Variants in COLEC12 observed in about 807,000 individuals in gnomAD.
COLEC12 encodes the protein collectin-12.
In COLEC12, 33 loss-of-function variants were observed where a neutral mutation model predicts 71.1. That is an observed-to-expected ratio of 0.46 (90% CI 0.35 to 0.62). The LOEUF (loss-of-function observed/expected upper bound fraction) is 0.62. Ranked by LOEUF, COLEC12 falls within the 20% of genes least tolerant of loss-of-function variation. The pLI is 0.00. For synonymous variants in COLEC12, 350 were observed against 353.0 expected (o/e 0.99, Z 0.10); for missense variants, 765 against 916.1 (o/e 0.84, Z 2.13).
chr18:455,567 T>C (rs573510177), intron 2 of COLEC12, among the ~76,000 whole-genome samples: 1 of 152,240 alleles, frequency 6.6e-6, no homozygotes, highest in Admixed American at 6.5e-5. Flanking sequence ...CCATGGTGGT[T>C]TGCTGCACCC....
At chr18:435,598 ATCTC>A (rs5822567) in intron 2 of COLEC12, among the ~76,000 whole-genome samples, 2 of 151,210 alleles carry the variant, frequency 1.3e-5, no homozygotes, top group Admixed American at 6.6e-5. Flanking sequence ...TTAAATCCAA[ATCTC>A]TCTCTCTCTC....
intron 2 of COLEC12, among the ~76,000 whole-genome samples, chr18:431,606 C>A (rs1916305597): frequency 1.3e-5 from 2 of 152,136 alleles, no homozygotes; most frequent in Admixed American, 1.3e-4. Context: ...AGGAGGAGCA[C>A]ACTGGAAGCA....
chr18:383,997 C>G (rs1312997798), intron 2 of COLEC12, among the ~76,000 whole-genome samples: 1 of 152,142 alleles, frequency 6.6e-6, no homozygotes, highest in East Asian at 1.9e-4. Flanking sequence ...TCCATGAGAA[C>G]AGTATCGGGG....
At chr18:391,595 T>C (rs1226958387) in intron 2 of COLEC12, among the ~76,000 whole-genome samples, 3 of 152,192 alleles carry the variant, frequency 2.0e-5, no homozygotes, top group Admixed American at 2.0e-4. Flanking sequence ...TCCTGTCTTT[T>C]GGGACACTAG....
Position 408,615 on chromosome 18 carries a change from A to T in COLEC12, c.59-51093T>A, listed in dbSNP as rs1480867292. On this transcript the variant is annotated intron_variant, in intron 2 of 9. Transcript: ENST00000400256. This position sits in a 1 kb window ranked among gnomAD's most constrained non-coding sequence, Gnocchi z 4.3. ...TTACCAAATATTGAGAAAAAGGAAA[A>T]AAAAAAAAGACAGGAAAATAAAAGC... is the stretch of plus-strand genomic sequence containing the variant. Among the ~76,000 whole-genome samples the T allele has an allele frequency of 1.3e-5, 2 of 151,928 alleles. No individual in the cohort carries two copies. The highest frequency in any genetic ancestry group is 4.8e-5 in the African/African-American group (2 of 41,384).
intron 2 of COLEC12, among the ~76,000 whole-genome samples, chr18:369,583 A>G (rs867030042): frequency 6.6e-6 from 1 of 151,980 alleles, no homozygotes; most frequent in South Asian, 2.1e-4. Flanking sequence ...ATATCTCCCA[A>G]TGCTATGTGC....
intron 2 of COLEC12, among the ~76,000 whole-genome samples, chr18:469,241 C>G (rs930644951): frequency 3.9e-5 from 6 of 152,244 alleles, no homozygotes; most frequent in African/African-American, 1.4e-4. Flanking sequence ...AGAACACCAC[C>G]AGACAGAAGG....
chr18:456,925 C>G (rs920621687), intron 2 of COLEC12, among the ~76,000 whole-genome samples: 3 of 152,296 alleles, frequency 2.0e-5, no homozygotes, highest in South Asian at 2.1e-4. Flanking sequence ...GAGCCCCGTA[C>G]TCTGTCTCCT....
At chr18:430,195 G>A (rs1916275673) in intron 2 of COLEC12, among the ~76,000 whole-genome samples, 1 of 152,048 alleles carries the variant, frequency 6.6e-6, no homozygotes, top group African/African-American at 2.4e-5. Flanking sequence ...AATTAGCCAG[G>A]CGTGGTGGCG....
intron 3 of COLEC12, among the ~76,000 whole-genome samples, chr18:355,555 T>G (rs1444587416): frequency 6.6e-6 from 1 of 152,212 alleles, no homozygotes; most frequent in East Asian, 1.9e-4. Flanking sequence ...TAATTCTGAA[T>G]GCATAAATGT....
chr18:343,738 G>A (rs1300091333), intron 5 of COLEC12, among the ~76,000 whole-genome samples: 3 of 152,054 alleles, frequency 2.0e-5, no homozygotes, highest in African/African-American at 7.3e-5. Context: ...GGATTCCACT[G>A]AGCTACTTTT....
At chr18:433,156 A>T (rs1916338229) in intron 2 of COLEC12, among the ~76,000 whole-genome samples, 1 of 152,228 alleles carries the variant, frequency 6.6e-6, no homozygotes, top group Non-Finnish European at 1.5e-5. Context: ...TCCTTCAAAC[A>T]AGTTAACATG....
chr18:430,006 G>C (rs1224506703), intron 2 of COLEC12, among the ~76,000 whole-genome samples: 1 of 152,144 alleles, frequency 6.6e-6, no homozygotes, highest in African/African-American at 2.4e-5. Flanking sequence ...CAGCTCCCAG[G>C]ACAGGGCCTG....
intron 2 of COLEC12, among the ~76,000 whole-genome samples, chr18:385,868 G>A (rs758896011): frequency 6.8e-6 from 1 of 146,544 alleles, no homozygotes; most frequent in Non-Finnish European, 1.5e-5. Flanking sequence ...AACAAAGAGG[G>A]GTGTCAGAAT....
chr18:421,113 T>G (rs1280082704), intron 2 of COLEC12, among the ~76,000 whole-genome samples: 4 of 152,212 alleles, frequency 2.6e-5, no homozygotes, highest in African/African-American at 9.6e-5. Flanking sequence ...GCTACACATC[T>G]GAAAACAAAA....
intron 1 of COLEC12, among the ~76,000 whole-genome samples, chr18:492,549 C>T (rs969850415): frequency 8.6e-5 from 13 of 152,044 alleles, no homozygotes; most frequent in Non-Finnish European, 1.3e-4. Context: ...GAGGAAAATT[C>T]TCATCCAGTC....
At chr18:438,802 C>CAA (rs55912485) in intron 2 of COLEC12, among the ~76,000 whole-genome samples, 17,081 of 132,528 alleles carry the variant, frequency 0.13, 1,397 homozygotes, top group East Asian at 0.37. Flanking sequence ...GACCTTGTCT[C>CAA]AAAAAAAAAA....
At chr18:498,354 AT>A (rs371981125) in intron 1 of COLEC12, among the ~76,000 whole-genome samples, 209 of 101,972 alleles carry the variant, frequency 2.0e-3, no homozygotes, top group Middle Eastern at 5.4e-3. Context: ...CTCATGGAAT[AT>A]TTTTTTTCTT....
intron 2 of COLEC12, among the ~76,000 whole-genome samples, chr18:418,107 G>A (rs536291982): frequency 2.0e-5 from 3 of 152,254 alleles, no homozygotes; most frequent in South Asian, 2.1e-4. Context: ...ACAGTTAGCC[G>A]TGTGACCCTT....
Sources: allele counts gnomAD v4.1 joint callset (sites outside exome capture counted in the v4.1 genomes callset), GRCh38; gene constraint gnomAD v4.1.1; non-coding constraint Gnocchi (gnomAD v3.1); transcripts MANE v1.5; gene names NCBI Gene and HGNC (gene_info 2026-07-23, HGNC 2026-07-21).